Variants in TMEM229B observed in about 807,000 individuals in gnomAD.
TMEM229B encodes chromosome 14 open reading frame 83.
Under a neutral mutation model 13.7 loss-of-function variants are expected in TMEM229B, and 6 were observed. The observed-to-expected ratio is 0.44, with a 90% CI of 0.24 to 0.86. TMEM229B has a LOEUF of 0.86. Among genes scored for constraint, TMEM229B ranks in the 40% least tolerant of loss-of-function variants. The pLI is 0.23. For synonymous variants in TMEM229B, 107 were observed against 102.1 expected (o/e 1.05, Z -0.29); for missense variants, 170 against 236.0 (o/e 0.72, Z 1.83).
chr14:67,499,614 T>C (rs2032523115), intron 1 of TMEM229B, among the ~76,000 whole-genome samples: 1 of 152,160 alleles, frequency 6.6e-6, no homozygotes, highest in Admixed American at 6.5e-5. Flanking sequence ...GTAAACAGTA[T>C]GTAAGAGGAT....
chr14:67,480,353 G>A (rs543725998), intron 2 of TMEM229B, among the ~76,000 whole-genome samples: 1 of 152,244 alleles, frequency 6.6e-6, no homozygotes, highest in East Asian at 1.9e-4. Flanking sequence ...GCCCTCAGGA[G>A]AACAAAACTC....
intron 1 of TMEM229B, among the ~76,000 whole-genome samples, chr14:67,499,309 T>C (rs1046363066): frequency 6.6e-6 from 1 of 152,164 alleles, no homozygotes; most frequent in African/African-American, 2.4e-5. Flanking sequence ...CCACTAATGG[T>C]CTTTTATTGA....
chr14:67,507,752 C>A (rs969440017), intron 1 of TMEM229B, among the ~76,000 whole-genome samples: 10 of 152,162 alleles, frequency 6.6e-5, no homozygotes, highest in Non-Finnish European at 1.3e-4. Context: ...AGTTTTAAGA[C>A]AAGACATAAA....
intron 2 of TMEM229B, among the ~76,000 whole-genome samples, chr14:67,477,752 T>C (rs2031312678): frequency 6.6e-6 from 1 of 152,214 alleles, no homozygotes; most frequent in South Asian, 2.1e-4. Flanking sequence ...GACAATGCAG[T>C]GAGACTCTGT....
At chr14:67,507,203 GTGCTAATAT>G (rs2032859485) in intron 1 of TMEM229B, among the ~76,000 whole-genome samples, 1 of 152,042 alleles carries the variant, frequency 6.6e-6, no homozygotes, top group African/African-American at 2.4e-5. Context: ...AATTAGCCAG[GTGCTAATAT>G]AGGTGGTGCA....
intron 1 of TMEM229B, among the ~76,000 whole-genome samples, chr14:67,495,053 G>C (rs1350979387): frequency 6.6e-6 from 1 of 152,148 alleles, no homozygotes; most frequent in Non-Finnish European, 1.5e-5. Flanking sequence ...CAACTTTTCT[G>C]TACATTTGAA....
chr14:67,526,292 G>A (rs189365778), intron 1 of TMEM229B, among the ~76,000 whole-genome samples: 1,642 of 151,822 alleles, frequency 0.011, 27 homozygotes, highest in African/African-American at 0.038. Context: ...AGAGCAAAAA[G>A]GATCCTTGAC....
chr14:67,516,681 A>G (rs2033207654), upstream of TMEM229B, among the ~76,000 whole-genome samples: 2 of 152,224 alleles, frequency 1.3e-5, no homozygotes, highest in African/African-American at 4.8e-5. Context: ...CCCTGGCCAG[A>G]ATATTCAAAG....
intron 1 of TMEM229B, among the ~76,000 whole-genome samples, chr14:67,527,906 G>A (rs537023288): frequency 6.6e-6 from 1 of 152,306 alleles, no homozygotes; most frequent in East Asian, 1.9e-4. Context: ...CGAAAGTAGT[G>A]GCTTTGAGGA....
upstream of TMEM229B, among the ~76,000 whole-genome samples, chr14:67,493,488 G>A (rs909155771): frequency 2.0e-5 from 3 of 152,178 alleles, no homozygotes; most frequent in Non-Finnish European, 2.9e-5. Context: ...TCTCGTGATC[G>A]TAACTGACAC....
rs1203140064 is a variant in TMEM229B, at chr14:67,509,786, T to C, written c.-192+5300A>G. On this transcript the variant is annotated intron_variant, in intron 1 of 2. Transcript: ENST00000357461. ...CTTTGGGAGGCTGAGGCAGGAGGATTGCTTGAGGCCAGGAGTTTGAGACCA... is the reference window on the plus strand; with the variant it reads ...CTTTGGGAGGCTGAGGCAGGAGGATCGCTTGAGGCCAGGAGTTTGAGACCA... Among the ~76,000 whole-genome samples the C allele has an allele frequency of 5.3e-5, 8 of 151,974 alleles. No homozygotes were observed. The East Asian group carries it at 1.5e-3, about 29-fold the overall frequency.
At chr14:67,513,813 A>G (rs2033107263) in intron 1 of TMEM229B, among the ~76,000 whole-genome samples, 1 of 152,220 alleles carries the variant, frequency 6.6e-6, no homozygotes, top group Admixed American at 6.5e-5. Flanking sequence ...CCAAAGGGCT[A>G]TCCTGCCACA....
chr14:67,513,394 G>A (rs983889104), intron 1 of TMEM229B, among the ~76,000 whole-genome samples: 9 of 152,160 alleles, frequency 5.9e-5, no homozygotes, highest in African/African-American at 2.2e-4. Flanking sequence ...AAATTGCAGG[G>A]CCACAAATCT....
chr14:67,516,189 GC>G (rs907693845), upstream of TMEM229B, among the ~76,000 whole-genome samples: 3 of 152,204 alleles, frequency 2.0e-5, no homozygotes, highest in Non-Finnish European at 2.9e-5. Context: ...ATGACAGCCA[GC>G]CCCCATTCGC....
chr14:67,511,431 C>G (rs1461909081), intron 1 of TMEM229B, among the ~76,000 whole-genome samples: 1 of 152,168 alleles, frequency 6.6e-6, no homozygotes, highest in Non-Finnish European at 1.5e-5. Flanking sequence ...CGAGACCTGT[C>G]CGTGTAGATG....
rs112619036 is a variant in TMEM229B at position 67,524,305 on chromosome 14, C to G, written c.-192+9331G>C. Among the ~76,000 whole-genome samples, 1,094 of 152,278 alleles carry G rather than the reference C, an allele frequency of 7.2e-3. 10 individuals carry two copies. Among genetic ancestry groups the G allele is most frequent in the African/African-American group, 0.026 (1,060 of 41,554 alleles). ...ATGTTCTAGGAAGACACTGGGCCCACTGGACCCCAATCCCTGTCGTAACTG... is the reference window on the plus strand; with the variant it reads ...ATGTTCTAGGAAGACACTGGGCCCAGTGGACCCCAATCCCTGTCGTAACTG... On this transcript the variant is annotated intron_variant, in intron 1 of 2. Coordinates refer to the TMEM229B transcript ENST00000554278.
In TMEM229B at chr14:67,508,753, C is replaced by CAAA. The variant is rs757183130; in HGVS notation, c.-192+6330_-192+6332dup. ...TGGGTGACAGAGCAAAACCTTGTCTCAAAAAAAAAAAAAAAAAACAGAAGA... is the reference window on the plus strand; with the variant it reads ...TGGGTGACAGAGCAAAACCTTGTCTCAAAAAAAAAAAAAAAAAAAAACAGAAGA... On this transcript the variant is annotated intron_variant, in intron 1 of 2. Coordinates refer to the TMEM229B transcript ENST00000357461. Among the ~76,000 whole-genome samples, 66 of 46,726 alleles carry CAAA rather than the reference C, an allele frequency of 1.4e-3. 5 individuals carry two copies. The highest frequency in any genetic ancestry group is 3.2e-3 in the Admixed American group (11 of 3,416). 30.7% of individuals were successfully genotyped at this position (46,726 alleles called of 152,430 possible).
Position 67,486,373 on chromosome 14 carries a change from C to T in TMEM229B, c.-19+627G>A, listed in dbSNP as rs188768640. On this transcript the variant is annotated intron_variant, in intron 2 of 2. Coordinates refer to ENST00000554480, the MANE Select transcript of TMEM229B (RefSeq NM_001348543.2). ...CACTGCAACCTCTGCCTCCCAGGTT[C>T]AAGCGATTCTCCTGCCTCAGCCTCC... is the stretch of plus-strand genomic sequence containing the variant. Among the ~76,000 whole-genome samples the T allele has an allele frequency of 1.6e-3, 251 of 152,366 alleles. 1 individual carries two copies. In the East Asian group the frequency reaches 0.035, roughly 21 times the overall value.
chr14:67,522,631 G>T (rs1348677912), intron 1 of TMEM229B, among the ~76,000 whole-genome samples: 3 of 152,198 alleles, frequency 2.0e-5, no homozygotes, highest in Non-Finnish European at 4.4e-5. Flanking sequence ...TTAAGAATTT[G>T]TATCACAGCA....
Sources: allele counts gnomAD v4.1 joint callset (sites outside exome capture counted in the v4.1 genomes callset), GRCh38; gene constraint gnomAD v4.1.1; transcripts MANE v1.5; gene names NCBI Gene and HGNC (gene_info 2026-07-23, HGNC 2026-07-21).